Variants in DLG2 observed in about 807,000 individuals in gnomAD.
DLG2 encodes the protein disks large homolog 2.
Under a neutral mutation model 132.5 loss-of-function variants are expected in DLG2, and 45 were observed. The observed-to-expected ratio is 0.34, with a 90% confidence interval of 0.27 to 0.44. DLG2 has a LOEUF of 0.44. Among genes scored for constraint, DLG2 ranks in the 20% least tolerant of loss-of-function variants. The pLI, the probability that DLG2 is intolerant of heterozygous loss-of-function variation, is 1.00. For missense variants in DLG2, 1,045 were observed against 1,196.9 expected (o/e 0.87, Z 1.87); for synonymous variants, 424 against 419.6 (o/e 1.01, Z -0.13).
At chr11:83,990,153 G>A (rs1158391028) in intron 11 of DLG2, among the ~76,000 whole-genome samples, 2 of 152,126 alleles carry the variant, frequency 1.3e-5, no homozygotes, top group East Asian at 3.9e-4. Context: ...TTTCACAAAA[G>A]GAAGTAAAAT....
At chr11:84,508,538 G>T (rs2099248667) in intron 7 of DLG2, among the ~76,000 whole-genome samples, 1 of 151,698 alleles carries the variant, frequency 6.6e-6, no homozygotes, top group Non-Finnish European at 1.5e-5. Flanking sequence ...AAGTAGCTGG[G>T]ACTACAGGTG....
At chr11:84,295,722 C>T (rs1377607513) in intron 7 of DLG2, among the ~76,000 whole-genome samples, 1 of 152,192 alleles carries the variant, frequency 6.6e-6, no homozygotes, top group Non-Finnish European at 1.5e-5. Context: ...TTTCAACACA[C>T]TCACTCATTT....
At chr11:85,233,223 C>A (rs750047963) in intron 4 of DLG2, among the ~76,000 whole-genome samples, 4 of 151,574 alleles carry the variant, frequency 2.6e-5, no homozygotes, top group Non-Finnish European at 4.4e-5. Flanking sequence ...TTGAGGTCTG[C>A]GTATTGTTTT....
intron 14 of DLG2, among the ~76,000 whole-genome samples, chr11:83,932,986 A>G (rs928273040): frequency 3.9e-5 from 6 of 152,128 alleles, no homozygotes; most frequent in African/African-American, 1.4e-4. Context: ...AGTCGCTCCA[A>G]TGGGCACAGT....
chr11:84,698,076 C>A (rs1468148074), intron 6 of DLG2, among the ~76,000 whole-genome samples: 2 of 151,398 alleles, frequency 1.3e-5, no homozygotes, highest in East Asian at 1.9e-4. Flanking sequence ...ACTTGAAATT[C>A]TTAATTATTC....
intron 17 of DLG2, among the ~76,000 whole-genome samples, chr11:83,827,732 C>G (rs1262458290): frequency 6.6e-6 from 1 of 151,868 alleles, no homozygotes; most frequent in Non-Finnish European, 1.5e-5. Context: ...CTCTGTTTCA[C>G]ATTTTTTCCT....
At chr11:85,353,760 T>G (rs1031227205) in intron 3 of DLG2, among the ~76,000 whole-genome samples, 1 of 152,150 alleles carries the variant, frequency 6.6e-6, no homozygotes, top group South Asian at 2.1e-4. Context: ...ACACTGCATG[T>G]TCTCACTCAT....
At chr11:83,502,554 A>G (rs2094492701) in intron 21 of DLG2, among the ~76,000 whole-genome samples, 1 of 152,176 alleles carries the variant, frequency 6.6e-6, no homozygotes, top group Non-Finnish European at 1.5e-5. Context: ...TTTGATGGGT[A>G]TGAAGTAATA....
intron 18 of DLG2, among the ~76,000 whole-genome samples, chr11:83,744,602 C>T (rs1430906196): frequency 2.0e-5 from 3 of 152,164 alleles, no homozygotes; most frequent in Non-Finnish European, 4.4e-5. Context: ...AGAAAACAGA[C>T]AATTTAGTCC....
intron 9 of DLG2, among the ~76,000 whole-genome samples, chr11:84,107,840 T>G (rs2093074184): frequency 6.6e-6 from 1 of 152,130 alleles, no homozygotes; most frequent in Admixed American, 6.6e-5. Flanking sequence ...GTTGAAAACT[T>G]AAGTAAAGCT....
chr11:85,222,128 G>C (rs1358727438), intron 4 of DLG2, among the ~76,000 whole-genome samples: 1 of 151,800 alleles, frequency 6.6e-6, no homozygotes, highest in Non-Finnish European at 1.5e-5. Flanking sequence ...TTGTTTGTTT[G>C]TTTGTTTGTT....
chr11:83,549,717 A>G (rs2096339366), intron 19 of DLG2, among the ~76,000 whole-genome samples: 2 of 152,158 alleles, frequency 1.3e-5, no homozygotes, highest in South Asian at 2.1e-4. Flanking sequence ...TTCTATTTGT[A>G]TTATCTTCTT....
chr11:85,601,092 G>A (rs1247574528), intron 2 of DLG2, among the ~76,000 whole-genome samples: 1 of 152,176 alleles, frequency 6.6e-6, no homozygotes, highest in Non-Finnish European at 1.5e-5. Flanking sequence ...CAAGAGCAGA[G>A]ATGGTATGAA....
chr11:84,051,590 C>G (rs189054580), intron 11 of DLG2, among the ~76,000 whole-genome samples: 1 of 127,346 alleles, frequency 7.9e-6, no homozygotes, highest in African/African-American at 3.1e-5. Flanking sequence ...CACATGGATA[C>G]AGGAAGGGGA....
intron 6 of DLG2, among the ~76,000 whole-genome samples, chr11:84,932,589 T>A (rs1177832609): frequency 2.0e-5 from 3 of 152,060 alleles, no homozygotes; most frequent in African/African-American, 7.2e-5. Flanking sequence ...CAGCTCCCAC[T>A]TATGAGTGAG....
intron 3 of DLG2, among the ~76,000 whole-genome samples, chr11:85,584,322 G>C (rs1226950511): frequency 1.3e-5 from 2 of 148,182 alleles, no homozygotes; most frequent in Non-Finnish European, 3.0e-5. Flanking sequence ...TCCTTTTATG[G>C]CTGAGTAGTA....
chr11:84,796,342 G>C lies in DLG2; in HGVS notation c.358-261611C>G, dbSNP rs973659785. Among the ~76,000 whole-genome samples the C allele has an allele frequency of 6.6e-5, 10 of 152,086 alleles. 1 individual carries two copies. Among genetic ancestry groups the C allele is most frequent in the Non-Finnish European group, 4.4e-5 (3 of 67,996 alleles). On this transcript the variant is annotated intron_variant, in intron 6 of 27. Transcript: ENST00000376104. Reference sequence around the variant, plus strand: ...TTGCTGTTTCTGTTTATGTCTTACTGTATTGTCTATGTCTTGAAAAGTTGC... The same window carrying C: ...TTGCTGTTTCTGTTTATGTCTTACTCTATTGTCTATGTCTTGAAAAGTTGC...
chr11:84,854,306 T>A (rs2082510818), intron 6 of DLG2, among the ~76,000 whole-genome samples: 1 of 151,010 alleles, frequency 6.6e-6, no homozygotes, highest in Non-Finnish European at 1.5e-5. Context: ...CATGGAAAAG[T>A]TTTTCTTTTT....
intron 6 of DLG2, among the ~76,000 whole-genome samples, chr11:84,996,914 C>T (rs909533587): frequency 1.3e-5 from 2 of 152,116 alleles, no homozygotes; most frequent in Admixed American, 1.3e-4. Flanking sequence ...TAGTTCCAGC[C>T]TTATTCATTA....
Sources: gnomAD v4.1 joint callset for allele counts (sites outside exome capture counted in the v4.1 genomes callset) on GRCh38, gnomAD v4.1.1 for gene constraint, MANE v1.5 for transcripts, NCBI Gene and HGNC (gene_info 2026-07-23, HGNC 2026-07-21) for gene names.